The following ANO4 variants were observed in gnomAD, a reference collection of about 807,000 sequenced individuals.
The protein encoded by ANO4 is anoctamin-4.
In ANO4, 69 loss-of-function variants were observed where a neutral mutation model predicts 141.9. The observed-to-expected ratio is 0.49, with a 90% CI of 0.40 to 0.59. The LOEUF (loss-of-function observed/expected upper bound fraction) is 0.59. ANO4 is among the 20% of genes least tolerant of loss of function. The pLI, the probability that ANO4 is intolerant of heterozygous loss-of-function variation, is 0.00. For synonymous variants in ANO4, 350 were observed against 394.3 expected, an observed-to-expected ratio of 0.89 and a Z score of 1.33; for missense variants, 894 against 1,162.2, an observed-to-expected ratio of 0.77 and a Z score of 3.36.
chr12:100,761,959 A>G (rs866357242), intron 3 of ANO4, among the ~76,000 whole-genome samples: 3 of 152,050 alleles, frequency 2.0e-5, no homozygotes, highest in Non-Finnish European at 2.9e-5. Context: ...TCCAGAGCTC[A>G]TAGTGGAAGA....
At chr12:101,006,365 G>C (rs576075283) in intron 8 of ANO4, among the ~76,000 whole-genome samples, 1 of 152,188 alleles carries the variant, frequency 6.6e-6, no homozygotes, top group South Asian at 2.1e-4. Context: ...TTAGGATGTT[G>C]TGACACATGG....
chr12:101,067,369 G>C (rs769048788), intron 14 of ANO4, among the ~76,000 whole-genome samples: 1 of 152,206 alleles, frequency 6.6e-6, no homozygotes, highest in South Asian at 2.1e-4. Flanking sequence ...GGAAACATTA[G>C]TATTGGTAAT....
chr12:100,859,484 A>G (rs2038359021), intron 1 of ANO4, among the ~76,000 whole-genome samples: 2 of 152,158 alleles, frequency 1.3e-5, no homozygotes, highest in Admixed American at 1.3e-4. Flanking sequence ...TGGTGGCAGA[A>G]TCTAGTCTGT....
At chr12:100,836,054 A>G (rs2036893204) in intron 1 of ANO4, among the ~76,000 whole-genome samples, 1 of 152,136 alleles carries the variant, frequency 6.6e-6, no homozygotes, top group Non-Finnish European at 1.5e-5. Context: ...AAAAATGCAA[A>G]TTCATTTCTT....
At chr12:100,899,314 A>C (rs1771309595) in intron 1 of ANO4, among the ~76,000 whole-genome samples, 1 of 152,208 alleles carries the variant, frequency 6.6e-6, no homozygotes, top group Non-Finnish European at 1.5e-5. Flanking sequence ...CAGGATGTCC[A>C]TCTGTTAGCT....
At chr12:100,866,118 G>A (rs1341216107) in intron 1 of ANO4, among the ~76,000 whole-genome samples, 4 of 152,178 alleles carry the variant, frequency 2.6e-5, no homozygotes, top group Admixed American at 2.6e-4. Flanking sequence ...AGGATACGGA[G>A]GGGAAGTGGA....
chr12:100,755,747 T>C (rs1011785215), intron 3 of ANO4, among the ~76,000 whole-genome samples: 1 of 152,212 alleles, frequency 6.6e-6, no homozygotes, highest in African/African-American at 2.4e-5. Context: ...ATTTGTTTTC[T>C]TGGCAGTTTG....
At chr12:101,121,590 T>G (rs1247062430) in intron 26 of ANO4, among the ~76,000 whole-genome samples, 2 of 152,060 alleles carry the variant, frequency 1.3e-5, no homozygotes, top group Non-Finnish European at 2.9e-5. Flanking sequence ...TTCTTTTGAG[T>G]ATATACCCAG....
At chr12:101,037,047 A>T in intron 9 of ANO4, 48 bp from the exon 10 acceptor site, 1 of 1,554,028 alleles carries the variant, frequency 6.4e-7, no homozygotes, top group Non-Finnish European at 8.9e-7. Context: ...GAACATTGTG[A>T]GTATTCAAAC....
At chr12:100,957,757 C>T (rs1327974846) in intron 5 of ANO4, among the ~76,000 whole-genome samples, 1 of 152,144 alleles carries the variant, frequency 6.6e-6, no homozygotes, top group Non-Finnish European at 1.5e-5. Flanking sequence ...AGCCCGGCTA[C>T]TTTCCTGTAC....
At chr12:100,959,756 C>G (rs188024766) in intron 5 of ANO4, among the ~76,000 whole-genome samples, 56 of 152,212 alleles carry the variant, frequency 3.7e-4, no homozygotes, top group Non-Finnish European at 7.2e-4. Flanking sequence ...TTCTCAATCC[C>G]CTTTGCTCAC....
chr12:100,919,746 A>ATCTG (rs2041540865), intron 2 of ANO4, among the ~76,000 whole-genome samples: 1 of 143,518 alleles, frequency 7.0e-6, no homozygotes, highest in Non-Finnish European at 1.5e-5. Flanking sequence ...GTATCTATCT[A>ATCTG]TCTATCTATC....
At chr12:100,911,961 T>G (rs2041119087) in intron 2 of ANO4, among the ~76,000 whole-genome samples, 1 of 152,172 alleles carries the variant, frequency 6.6e-6, no homozygotes, top group African/African-American at 2.4e-5. Context: ...TTCACAAATT[T>G]TTCTCCTGCA....
intron 21 of ANO4, 95 bp from the exon 22 acceptor site, chr12:101,099,483 A>T (rs2050109600): frequency 1.6e-6 from 2 of 1,268,734 alleles, no homozygotes; most frequent in South Asian, 1.8e-5. Flanking sequence ...GAATTTTTTC[A>T]AACTATTGTT....
chr12:100,883,099 T>C (rs2039651467), intron 1 of ANO4, among the ~76,000 whole-genome samples: 1 of 152,240 alleles, frequency 6.6e-6, no homozygotes, highest in Non-Finnish European at 1.5e-5. Context: ...TCTTGCCATG[T>C]CTTATAAAAT....
intron 8 of ANO4, among the ~76,000 whole-genome samples, chr12:101,015,379 G>A (rs61944902): frequency 0.068 from 10,341 of 152,110 alleles, 585 homozygotes; most frequent in African/African-American, 0.16. Flanking sequence ...CTGTGTGACT[G>A]TTTTGAACCT....
At chr12:101,061,010 G>A (rs999177184) in intron 14 of ANO4, among the ~76,000 whole-genome samples, 1 of 152,140 alleles carries the variant, frequency 6.6e-6, no homozygotes, top group African/African-American at 2.4e-5. Context: ...TTTTGCAGTG[G>A]CTGGTCCCAG....
intron 1 of ANO4, among the ~76,000 whole-genome samples, chr12:100,818,640 A>G (rs2135727687): frequency 6.6e-6 from 1 of 152,090 alleles, no homozygotes; most frequent in Non-Finnish European, 1.5e-5. Context: ...ATTTAGCTCT[A>G]TGCCCAGGGA....
intron 3 of ANO4, among the ~76,000 whole-genome samples, chr12:100,742,421 T>G (rs189306887): frequency 5.9e-5 from 9 of 152,272 alleles, no homozygotes; most frequent in African/African-American, 1.9e-4. Context: ...TCATTTATAC[T>G]TAATTTTTTG....
Sources: allele counts gnomAD v4.1 joint callset (sites outside exome capture counted in the v4.1 genomes callset), GRCh38; gene constraint gnomAD v4.1.1; transcripts MANE v1.5; gene names NCBI Gene and HGNC (gene_info 2026-07-23, HGNC 2026-07-21).